The following CHD3 variants were observed in gnomAD, a reference collection of about 807,000 sequenced individuals.
The protein encoded by CHD3 is chromodomain helicase DNA binding protein 3.
In CHD3, 52 loss-of-function variants were observed where a neutral mutation model predicts 248.9. The ratio of observed to expected loss-of-function variants is 0.21; its 90% CI spans 0.17 to 0.26. CHD3 has a LOEUF of 0.26. Among genes scored for constraint, CHD3 ranks in the 10% least tolerant of loss-of-function variants. The pLI, the probability that CHD3 is intolerant of heterozygous loss-of-function variation, is 1.00. For missense variants in CHD3, 1,482 were observed against 2,605.8 expected (o/e 0.57, Z 9.39); for synonymous variants, 985 against 985.2 (o/e 1.00, Z 0.00).
At chr17:7,891,584 G>C (rs1181893337) in intron 4 of CHD3, among the ~76,000 whole-genome samples, 3 of 152,200 alleles carry the variant, frequency 2.0e-5, no homozygotes, top group Non-Finnish European at 4.4e-5. Context: ...AGATGGGCCA[G>C]GTGCAGTGGC....
chr17:7,885,216 G>A (rs1421803416), upstream of CHD3: 47 of 868,328 alleles, frequency 5.4e-5, no homozygotes, highest in Non-Finnish European at 6.5e-5. Context: ...GCTCGGGCCC[G>A]TGGCCCCGCG....
At chr17:7,887,059 A>T (rs1307432096), upstream of CHD3, among the ~76,000 whole-genome samples, 1 of 151,838 alleles carries the variant, frequency 6.6e-6, no homozygotes, top group African/African-American at 2.4e-5. Flanking sequence ...ACCCAGATAC[A>T]CCCCCTCAGA....
In CHD3 at chr17:7,907,303, A is replaced by G; in HGVS notation, c.4789-50A>G. 6.2e-7 allele frequency: 1 copy of G among 1,612,854 alleles called. No homozygotes were observed. The highest frequency in any genetic ancestry group is 8.5e-7 in the Non-Finnish European group (1 of 1,179,310). ...CGGGAGGGGAGGGGGCTTGGAGGCC[A>G]GGTACCTGGGAGCCCTCTGGCTCAT... On this transcript the variant is annotated intron_variant, in intron 31 of 39. Coordinates refer to ENST00000330494, the MANE Select transcript of CHD3 (RefSeq NM_001005273.3). This position sits in a 1 kb window ranked among gnomAD's most constrained non-coding sequence, Gnocchi z 4.3.
Position 7,907,774 on chromosome 17 carries a change from T to C in CHD3, c.5026+72T>C. The C allele has an allele frequency of 6.6e-7, 1 of 1,504,840 alleles. No homozygotes were observed. 93.2% of individuals were successfully genotyped at this position (1,504,840 alleles called of 1,614,324 possible). A position where few individuals can be genotyped will look rare whatever the true frequency, so the allele number is the denominator to read the frequency against. ...GGGAGGTGGAGTCTGGGGAACCGAA[T>C]GCTTGGGTCCTGGGCGGGTAGCTGT... On this transcript the variant is annotated intron_variant, in intron 33 of 39. Transcript: ENST00000330494. This position sits in a 1 kb window ranked among gnomAD's most constrained non-coding sequence, Gnocchi z 4.3.
chr17:7,892,775 G>A (rs1023553279), intron 4 of CHD3, among the ~76,000 whole-genome samples: 2 of 152,034 alleles, frequency 1.3e-5, no homozygotes, highest in Admixed American at 6.6e-5. Context: ...GATTACAGGC[G>A]TGAGCCACTG....
At chr17:7,893,655 C>T (rs1676234110) in intron 5 of CHD3, 86 bp downstream of exon 5, 2 of 1,529,330 alleles carry the variant, frequency 1.3e-6, no homozygotes, top group African/African-American at 1.4e-5. Context: ...GCCTTCCCAG[C>T]CCTGATTGCT....
At position 7,910,858 on chromosome 17, in the gene CHD3, G is replaced by A. The variant is rs758906476; in HGVS notation, c.5766G>A (p.Pro1922=). The change falls in exon 39 of 40, where the codon CCG becomes CCA. Residue 1922 remains proline (P), a synonymous_variant. Transcript: ENST00000330494. This position sits in a 1 kb window ranked among gnomAD's most constrained non-coding sequence, Gnocchi z 4.7. ...TEPHPTPAYP[P]GPYATPPGYG... is the part of the protein sequence containing the mutation. Reference sequence around the variant, plus strand: ...CCTCTCTGTTCCAGGCCTACCCGCCGGGTCCCTACGCTACACCTCCGGGGT... The same window carrying A: ...CCTCTCTGTTCCAGGCCTACCCGCCAGGTCCCTACGCTACACCTCCGGGGT... 17 of 1,602,318 alleles carry A rather than the reference G, an allele frequency of 1.1e-5. No individual in the cohort carries two copies. The highest frequency in any genetic ancestry group is 4.1e-5 in the African/African-American group (3 of 73,894).
chr17:7,893,250 G>A, intron 4 of CHD3, 36 bp from the exon 5 acceptor site: 1 of 1,564,512 alleles, frequency 6.4e-7, no homozygotes, highest in Non-Finnish European at 8.7e-7. Context: ...CAGACCATCT[G>A]TGAAGGGTCC....
In CHD3 at chr17:7,906,601, C is replaced by T. The variant is rs200904309; in HGVS notation, c.4407C>T (p.Asp1469=). ...GCCATCTGTGTGAGCCTGGGGCAGA[C>T]GGCTCTGAAACCTTTGCCGATGGGG... ...FMRHLCEPGA[D]GSETFADGVP... The change falls in exon 29 of 40, where the codon GAC becomes GAT. Residue 1469 remains aspartate, a synonymous_variant. Transcript: ENST00000330494. The surrounding 1 kb of genome is among the most constrained non-coding windows in gnomAD (Gnocchi z 5.0). 3.9e-5 allele frequency: 63 copies of T among 1,613,774 alleles called. No homozygotes were observed. Among genetic ancestry groups the T allele is most frequent in the South Asian group, 8.8e-5 (8 of 91,074 alleles).
Position 7,904,750 on chromosome 17 carries a change from C to A in CHD3, c.4072+131C>A. On this transcript the variant is annotated intron_variant, in intron 25 of 39. Transcript: ENST00000330494. The surrounding 1 kb of genome is among the most constrained non-coding windows in gnomAD (Gnocchi z 4.4). ...GCCTTCCTCTGCTAAAAGGGAAAGA[C>A]ATAAGGTAGAGTCATTAGGAACTAC... 2 of 914,202 alleles carry A rather than the reference C, an allele frequency of 2.2e-6. No individual in the cohort carries two copies. Among genetic ancestry groups the A allele is most frequent in the Non-Finnish European group, 3.3e-6 (2 of 614,912 alleles). The allele number at this position is 914,202 out of a possible 1,614,324, so 56.6% of individuals were successfully genotyped here. A position where few individuals can be genotyped will look rare whatever the true frequency, so the allele number is the denominator to read the frequency against.
At chr17:7,893,149 T>C in intron 4 of CHD3, 137 bp from the exon 5 acceptor site, 2 of 1,241,506 alleles carry the variant, frequency 1.6e-6, no homozygotes, top group Non-Finnish European at 2.1e-6. Flanking sequence ...TTTTTTTAAA[T>C]GGCTGTTTTT....
Position 7,893,421 on chromosome 17 carries a change from A to AGCG in CHD3, c.647_648insGGC (p.Ala219dup). The AGCG allele has an allele frequency of 6.2e-7, 1 of 1,611,314 alleles. No homozygotes were observed. The highest frequency in any genetic ancestry group is 8.5e-7 in the Non-Finnish European group (1 of 1,178,560). On this transcript the variant is annotated inframe_insertion, in exon 5 of 40. Coordinates refer to ENST00000330494, the MANE Select transcript of CHD3 (RefSeq NM_001005273.3). The stretch of plus-strand genomic sequence containing the variant: ...CTGCTGTGGCGGCGGCAGCGGCAGC[A>AGCG]GCAGCAGCAGCTGTAGCTGAGCAGG...
In CHD3 at chr17:7,899,926, C is replaced by T. The variant is rs1388732494; in HGVS notation, c.2575C>T (p.Leu859=). ...REAQVKFHVL[L]TSYELITIDQ... ...GGCACAGGTGAAGTTCCATGTTCTC[C>T]TGACATCGTATGAGCTGATCACCAT... The change falls in exon 16 of 40, where the codon CTG becomes TTG. Residue 859 remains leucine (L), a synonymous_variant. Transcript: ENST00000330494. The surrounding 1 kb of genome is among the most constrained non-coding windows in gnomAD (Gnocchi z 6.8). The T allele has an allele frequency of 1.9e-6, 3 of 1,613,528 alleles. No individual in the cohort carries two copies. The highest frequency in any genetic ancestry group is 1.1e-5 in the South Asian group (1 of 91,062).
At position 7,912,123 on chromosome 17, in the gene CHD3, C is replaced by T. The variant is rs1425018331; in HGVS notation, c.*538C>T. ...TGTTACCGTCCCCTACCTCTCCCCACGTGGAGGGTGGAGCAGTTATGAGGG... is the reference window on the plus strand; with the variant it reads ...TGTTACCGTCCCCTACCTCTCCCCATGTGGAGGGTGGAGCAGTTATGAGGG... On this transcript the variant is annotated 3_prime_UTR_variant, in exon 40 of 40. Transcript: ENST00000330494. The T allele has an allele frequency of 8.6e-6, 2 of 231,782 alleles. No individual in the cohort carries two copies. Among genetic ancestry groups the T allele is most frequent in the African/African-American group, 2.4e-5 (1 of 42,400 alleles). The allele number at this position is 231,782 out of a possible 1,614,324, so 14.4% of individuals were successfully genotyped here.
chr17:7,894,691 C>T, intron 8 of CHD3, 83 bp downstream of exon 8: 1 of 1,449,726 alleles, frequency 6.9e-7, no homozygotes, highest in Non-Finnish European at 9.4e-7. Flanking sequence ...CCTCTTCCTG[C>T]CCCCAGATGG....
rs1241886191 is a variant in CHD3 at position 7,910,672 on chromosome 17, A to G, written c.5754+81A>G. 1 of 1,532,448 alleles carries G rather than the reference A, an allele frequency of 6.5e-7. No homozygotes were observed. Among genetic ancestry groups the G allele is most frequent in the Non-Finnish European group, 8.8e-7 (1 of 1,138,966 alleles). 94.9% of individuals were successfully genotyped at this position (1,532,448 alleles called of 1,614,324 possible). A position where few individuals can be genotyped will look rare whatever the true frequency, so the allele number is the denominator to read the frequency against. On this transcript the variant is annotated intron_variant, in intron 38 of 39. Transcript: ENST00000330494. The surrounding 1 kb of genome is among the most constrained non-coding windows in gnomAD (Gnocchi z 4.7). The stretch of plus-strand genomic sequence containing the variant: ...ATACAAACACTTCCATCAGAATCCT[A>G]TACAATATGGAAAAACAACTTGCTA...
Position 7,910,491 on chromosome 17 carries a change from C to T in CHD3, c.5654C>T (p.Thr1885Met), listed in dbSNP as rs377081442. Residue 1885 changes from threonine (T) to methionine (M), a missense_variant, in exon 38 of 40, where the codon ACG becomes ATG. By Grantham distance (81) the Thr-to-Met change is moderately conservative. Transcript: ENST00000330494. This position sits in a 1 kb window ranked among gnomAD's most constrained non-coding sequence, Gnocchi z 4.7. ...MKADVTRLPA[T>M]LSRIPPIAAR... ...GCGGACGTGACCCGCCTGCCAGCCACGCTGTCCCGAATACCCCCCATCGCA... is the reference window on the plus strand; with the variant it reads ...GCGGACGTGACCCGCCTGCCAGCCATGCTGTCCCGAATACCCCCCATCGCA... The T allele has an allele frequency of 5.6e-6, 9 of 1,613,960 alleles. No individual in the cohort carries two copies. The highest frequency in any genetic ancestry group is 2.7e-5 in the African/African-American group (2 of 74,906).
Position 7,911,813 on chromosome 17 carries a change from G to C in CHD3, c.*228G>C, listed in dbSNP as rs1026486057. The C allele has an allele frequency of 7.3e-7, 1 of 1,369,410 alleles. No individual in the cohort carries two copies. Among genetic ancestry groups the C allele is most frequent in the Non-Finnish European group, 9.7e-7 (1 of 1,027,364 alleles). 84.8% of individuals were successfully genotyped at this position (1,369,410 alleles called of 1,614,324 possible). A position where few individuals can be genotyped will look rare whatever the true frequency, so the allele number is the denominator to read the frequency against. On this transcript the variant is annotated 3_prime_UTR_variant, in exon 40 of 40. Transcript: ENST00000330494. This position sits in a 1 kb window ranked among gnomAD's most constrained non-coding sequence, Gnocchi z 5.4. ...GCCTTGAAGACTGTGCTGGTGAGAA[G>C]AAGTCTGGGTGGGAGATGGCTGGCA...
rs779704780 is a variant in CHD3 at position 7,894,557 on chromosome 17, T to G, written c.1218T>G (p.Leu406=). ...TCPRAYHLVC[L]DPELDRAPEG... ...CTCGTGCCTACCACCTCGTCTGCCT[T>G]GATCCTGAGCTTGACCGGGCTCCAG... Residue 406 remains leucine (L), a synonymous_variant, in exon 8 of 40, where the codon CTT becomes CTG. Coordinates refer to ENST00000330494, the MANE Select transcript of CHD3 (RefSeq NM_001005273.3). The G allele has an allele frequency of 1.5e-5, 25 of 1,614,106 alleles. No homozygotes were observed. The highest frequency in any genetic ancestry group is 2.0e-5 in the Non-Finnish European group (24 of 1,180,018).
Sources: allele counts gnomAD v4.1 joint callset (sites outside exome capture counted in the v4.1 genomes callset), GRCh38; gene constraint gnomAD v4.1.1; non-coding constraint Gnocchi (gnomAD v3.1); transcripts MANE v1.5; gene names NCBI Gene and HGNC (gene_info 2026-07-23, HGNC 2026-07-21).